SLC24A2: variants seen among roughly 807,000 people sequenced by gnomAD.
SLC24A2 encodes the protein sodium/potassium/calcium exchanger 2.
Under a neutral mutation model 62.0 loss-of-function variants are expected in SLC24A2, and 36 were observed. That is an observed-to-expected ratio of 0.58 (90% confidence interval 0.44 to 0.77). The LOEUF is 0.77. Among genes scored for constraint, SLC24A2 ranks in the 30% least tolerant of loss-of-function variants. The pLI, the probability that SLC24A2 is intolerant of heterozygous loss-of-function variation, is 0.00. For missense variants in SLC24A2, 846 were observed against 817.9 expected (o/e 1.03, Z -0.42); for synonymous variants, 358 against 294.0 (o/e 1.22, Z -2.23).
At chr9:19,996,936 T>C in the SLC24A2 span, among the ~76,000 whole-genome samples, 1 of 151,272 alleles carries the variant, frequency 6.6e-6, no homozygotes, top group Non-Finnish European at 1.5e-5. Flanking sequence ...TAGAAAGCGC[T>C]CAGTGGTAAA....
At chr9:20,225,564 A>ATATATATATAATATATATTATATATAT in the SLC24A2 span, among the ~76,000 whole-genome samples, 65 of 115,978 alleles carry the variant, frequency 5.6e-4, 12 homozygotes, top group African/African-American at 2.5e-3. Context: ...TATATATTAT[A>ATATATATATAATATATATTATATATAT]TATATATATA....
the SLC24A2 span, among the ~76,000 whole-genome samples, chr9:19,918,392 T>C: frequency 7.1e-5 from 1 of 14,040 alleles, no homozygotes; most frequent in African/African-American, 2.7e-4. Flanking sequence ...TCTGCCTTTA[T>C]CAAAAAAAAA....
intron 4 of SLC24A2, among the ~76,000 whole-genome samples, chr9:19,615,237 C>T (rs917760331): frequency 3.3e-5 from 5 of 152,130 alleles, no homozygotes; most frequent in Non-Finnish European, 7.3e-5. Context: ...TGAATAGTTC[C>T]CTTTTGAACA....
chr9:20,256,831 T>C, the SLC24A2 span, among the ~76,000 whole-genome samples: 1 of 151,780 alleles, frequency 6.6e-6, no homozygotes, highest in Admixed American at 6.6e-5. Context: ...TTTTATTTGC[T>C]CCTGCCATGC....
intron 2 of SLC24A2, among the ~76,000 whole-genome samples, chr9:19,780,976 G>A (rs1229936811): frequency 7.0e-6 from 1 of 143,554 alleles, no homozygotes; most frequent in Non-Finnish European, 1.5e-5. Flanking sequence ...ATTCTAAAAA[G>A]AAACAGAAAG....
At chr9:19,845,187 G>T in the SLC24A2 span, among the ~76,000 whole-genome samples, 1 of 152,010 alleles carries the variant, frequency 6.6e-6, no homozygotes, top group African/African-American at 2.4e-5. Context: ...TCTATGATTT[G>T]TTTCAGCAGT....
At chr9:20,298,734 A>G in the SLC24A2 span, among the ~76,000 whole-genome samples, 1 of 152,272 alleles carries the variant, frequency 6.6e-6, no homozygotes, top group South Asian at 2.1e-4. Context: ...CTTTCCAAAC[A>G]GCACTGAGGA....
the SLC24A2 span, among the ~76,000 whole-genome samples, chr9:20,239,609 C>G: frequency 6.6e-6 from 1 of 152,154 alleles, no homozygotes; most frequent in African/African-American, 2.4e-5. Flanking sequence ...TAGCAGATAG[C>G]TTGGAAAGGA....
At chr9:19,958,494 C>T in the SLC24A2 span, among the ~76,000 whole-genome samples, 3 of 152,158 alleles carry the variant, frequency 2.0e-5, no homozygotes, top group Non-Finnish European at 2.9e-5. Flanking sequence ...ACGGTGTGCA[C>T]GGCACTGTAC....
intron 8 of SLC24A2, among the ~76,000 whole-genome samples, chr9:19,541,341 C>T (rs1168803566): frequency 1.3e-5 from 2 of 150,178 alleles, no homozygotes; most frequent in Non-Finnish European, 3.0e-5. Flanking sequence ...GTGGTTTTAT[C>T]TACTTTTGGT....
At chr9:19,750,147 G>C (rs1821941834) in intron 2 of SLC24A2, among the ~76,000 whole-genome samples, 1 of 152,130 alleles carries the variant, frequency 6.6e-6, no homozygotes, top group Non-Finnish European at 1.5e-5. Flanking sequence ...TCAGTTTTTA[G>C]CTTGTAAAGC....
the SLC24A2 span, among the ~76,000 whole-genome samples, chr9:19,908,958 G>C: frequency 6.6e-6 from 1 of 152,086 alleles, no homozygotes; most frequent in Non-Finnish European, 1.5e-5. Flanking sequence ...GGAATACCAT[G>C]TGACCCAGCC....
chr9:19,743,784 G>A (rs144530945), intron 2 of SLC24A2, among the ~76,000 whole-genome samples: 2 of 152,128 alleles, frequency 1.3e-5, no homozygotes, highest in African/African-American at 4.8e-5. Flanking sequence ...CAAAAAGCAT[G>A]GACATTTAGA....
chr9:19,549,476 T>C (rs1834737203), intron 8 of SLC24A2, among the ~76,000 whole-genome samples: 1 of 152,202 alleles, frequency 6.6e-6, no homozygotes, highest in African/African-American at 2.4e-5. Context: ...TCACAGACCA[T>C]GCAGTTTCTG....
At chr9:20,073,953 TAC>T in the SLC24A2 span, among the ~76,000 whole-genome samples, 1 of 149,364 alleles carries the variant, frequency 6.7e-6, no homozygotes, top group Non-Finnish European at 1.5e-5. Context: ...TATGTATATA[TAC>T]ACACACATAT....
the SLC24A2 span, among the ~76,000 whole-genome samples, chr9:19,869,560 T>C: frequency 1.3e-5 from 2 of 152,182 alleles, no homozygotes; most frequent in Non-Finnish European, 2.9e-5. Context: ...TTTTTAAAAA[T>C]TATAATTTCA....
At chr9:19,544,020 G>A (rs547424789) in intron 8 of SLC24A2, among the ~76,000 whole-genome samples, 1 of 152,232 alleles carries the variant, frequency 6.6e-6, no homozygotes, top group African/African-American at 2.4e-5. Flanking sequence ...GTCTAATATT[G>A]ACAGTGGGGT....
chr9:19,643,752 TTG>T (rs1382854968), intron 2 of SLC24A2, among the ~76,000 whole-genome samples: 1 of 152,250 alleles, frequency 6.6e-6, no homozygotes, highest in Non-Finnish European at 1.5e-5. Context: ...TATTAACTTG[TTG>T]CTTAGGACAG....
the SLC24A2 span, among the ~76,000 whole-genome samples, chr9:20,076,369 T>A: frequency 6.6e-6 from 1 of 152,156 alleles, no homozygotes; most frequent in Non-Finnish European, 1.5e-5. Flanking sequence ...TTGACTCTCC[T>A]GGTGTGATGC....
Sources: allele counts gnomAD v4.1 joint callset (sites outside exome capture counted in the v4.1 genomes callset), GRCh38; gene constraint gnomAD v4.1.1; transcripts MANE v1.5; gene names NCBI Gene and HGNC (gene_info 2026-07-23, HGNC 2026-07-21).